Variants in MGRN1 observed in about 807,000 individuals in gnomAD.
The protein encoded by MGRN1 is E3 ubiquitin-protein ligase MGRN1.
In MGRN1, 29 loss-of-function variants were observed where a neutral mutation model predicts 69.2. The ratio of observed to expected loss-of-function variants is 0.42; its 90% CI spans 0.31 to 0.57. The LOEUF is 0.57. Ranked by LOEUF, MGRN1 falls within the 20% of genes least tolerant of loss-of-function variation. The probability of loss-of-function intolerance (pLI) is 0.15; values close to 1 mark genes in which losing one functional copy is unlikely to be tolerated. For synonymous variants in MGRN1, 470 were observed against 344.2 expected (o/e 1.37, Z -4.04); for missense variants, 998 against 796.2 (o/e 1.25, Z -3.05).
chr16:4,659,932 C>T (rs531131624), intron 5 of MGRN1, among the ~76,000 whole-genome samples: 10 of 152,324 alleles, frequency 6.6e-5, no homozygotes, highest in East Asian at 1.9e-4. Flanking sequence ...CGGCTGGGTC[C>T]GGAGATGCTT....
intron 16 of MGRN1, among the ~76,000 whole-genome samples, chr16:4,685,469 G>T (rs2079290723): frequency 6.6e-6 from 1 of 152,228 alleles, no homozygotes; most frequent in Admixed American, 6.5e-5. Flanking sequence ...GTCATCTGTG[G>T]AGGCGGTAGA....
chr16:4,682,369 G>A (rs982521314), intron 13 of MGRN1, among the ~76,000 whole-genome samples: 2 of 152,222 alleles, frequency 1.3e-5, no homozygotes, highest in African/African-American at 2.4e-5. Context: ...TGTATAGAGC[G>A]GCGGCTGCCA....
At chr16:4,644,969 TTTC>T (rs1390265592) in intron 1 of MGRN1, among the ~76,000 whole-genome samples, 3 of 152,214 alleles carry the variant, frequency 2.0e-5, no homozygotes, top group African/African-American at 7.2e-5. Flanking sequence ...AAAAATAATT[TTTC>T]TTGTTTTACA....
chr16:4,645,156 G>T (rs959682259), intron 1 of MGRN1, among the ~76,000 whole-genome samples: 1 of 141,444 alleles, frequency 7.1e-6, no homozygotes, highest in African/African-American at 2.6e-5. Context: ...GGGGGTGGGG[G>T]TGGTGGTGGG....
intron 9 of MGRN1, 66 bp from the exon 10 acceptor site, chr16:4,673,432 A>C: frequency 1.3e-6 from 2 of 1,569,280 alleles, no homozygotes; most frequent in African/African-American, 1.3e-5. Flanking sequence ...ACAGCTGGGG[A>C]CAGGAAGCAG....
chr16:4,625,126 G>A, intron 1 of MGRN1, 78 bp downstream of exon 1: 2 of 1,320,290 alleles, frequency 1.5e-6, no homozygotes, highest in Non-Finnish European at 1.0e-6. Context: ...GCGGGGACTC[G>A]GGGCGGGGCG....
chr16:4,680,355 C>T (rs574513784), intron 12 of MGRN1: 10 of 473,892 alleles, frequency 2.1e-5, no homozygotes, highest in Admixed American at 3.9e-5. Context: ...GCCCCCGTGC[C>T]GTTTCCCTTT....
At chr16:4,634,824 G>A (rs1898196480) in intron 1 of MGRN1, 1 of 152,272 alleles carries the variant, frequency 6.6e-6, no homozygotes, top group South Asian at 2.1e-4. Context: ...AGCTCGCGGG[G>A]GACTTGGGTC....
intron 1 of MGRN1, among the ~76,000 whole-genome samples, chr16:4,636,285 T>C (rs1475086687): frequency 1.3e-5 from 2 of 151,242 alleles, no homozygotes; most frequent in East Asian, 2.0e-4. Flanking sequence ...CCTCCCTGGG[T>C]GACTTCTGCT....
intron 5 of MGRN1, among the ~76,000 whole-genome samples, chr16:4,663,876 G>A (rs566107244): frequency 6.6e-6 from 1 of 152,216 alleles, no homozygotes; most frequent in Non-Finnish European, 1.5e-5. Flanking sequence ...TGCACAGCAG[G>A]GGGTGGGATG....
At chr16:4,664,138 C>G (rs76610502) in intron 5 of MGRN1, 2,367 of 159,032 alleles carry the variant, frequency 0.015, 32 homozygotes, top group Non-Finnish European at 0.023. Flanking sequence ...CGGTGTCCGT[C>G]GCAAAGGAAC....
intron 16 of MGRN1, chr16:4,686,661 C>G: frequency 4.5e-6 from 5 of 1,106,544 alleles, no homozygotes; most frequent in Non-Finnish European, 5.5e-6. Flanking sequence ...GAGGCAGGAG[C>G]TTGAGGGATG....
chr16:4,673,571 TC>T lies in MGRN1; in HGVS notation c.871del (p.Leu291CysfsTer207), dbSNP rs1567224334. The T allele has an allele frequency of 6.2e-7, 1 of 1,613,828 alleles. No homozygotes were observed. The highest frequency in any genetic ancestry group is 2.2e-5 in the East Asian group (1 of 44,882). On this transcript the variant is annotated frameshift_variant, in exon 10 of 17. Coordinates refer to ENST00000262370, the MANE Select transcript of MGRN1 (RefSeq NM_015246.4). LOFTEE classifies it high-confidence loss of function. ...CTGTCCGACCTGCGGGACACGCTGA[TC>T]CTGCCCTGCCGCCACCTGTGCCTCT... ...VCLSDLRDTL[I>X]LPCRHLCLCT...
At chr16:4,687,087 CG>C (rs2079340268) in intron 16 of MGRN1, 1 of 985,358 alleles carries the variant, frequency 1.0e-6, no homozygotes, top group Non-Finnish European at 1.2e-6. Context: ...CACAGTCCCT[CG>C]TGGGCTGCCT....
At chr16:4,645,778 T>A (rs973342353) in intron 1 of MGRN1, among the ~76,000 whole-genome samples, 1 of 152,128 alleles carries the variant, frequency 6.6e-6, no homozygotes, top group African/African-American at 2.4e-5. Flanking sequence ...CCTCGGAGGC[T>A]ACTGGGACCT....
At position 4,688,901 on chromosome 16, in the gene MGRN1, C is replaced by T. The variant is rs895888981; in HGVS notation, c.1724C>T (p.Pro575Leu). Residue 575 changes from proline (P) to leucine (L), a missense_variant, in exon 17 of 17, where the codon CCA (proline) becomes CTA (leucine). Pro to Leu is a moderately conservative substitution (Grantham distance 98). Coordinates refer to ENST00000262370, the MANE Select transcript of MGRN1 (RefSeq NM_015246.4). ...GATCCCAGCGCCGCCGAGCTGACCCCACTCTGAGAGCCTGGCCGAGCTGGC... is the reference window on the plus strand; with the variant it reads ...GATCCCAGCGCCGCCGAGCTGACCCTACTCTGAGAGCCTGGCCGAGCTGGC... ...SPDPSAAELT[P>L]L The T allele has an allele frequency of 3.2e-6, 5 of 1,544,366 alleles. No homozygotes were observed. The highest frequency in any genetic ancestry group is 4.4e-6 in the Non-Finnish European group (5 of 1,141,824).
intron 13 of MGRN1, 76 bp downstream of exon 13, chr16:4,681,852 A>G: frequency 1.4e-6 from 2 of 1,420,342 alleles, no homozygotes; most frequent in Non-Finnish European, 1.9e-6. Context: ...TTGTGGTTTC[A>G]AATCAGTTTG....
At chr16:4,671,999 G>A (rs545314693) in intron 9 of MGRN1, among the ~76,000 whole-genome samples, 6 of 152,160 alleles carry the variant, frequency 3.9e-5, no homozygotes, top group African/African-American at 4.8e-5. Flanking sequence ...TCCGCCTCCC[G>A]GGTTCAAGCG....
chr16:4,688,772 T>C, intron 16 of MGRN1, 24 bp from the exon 17 acceptor site: 1 of 1,525,392 alleles, frequency 6.6e-7, no homozygotes, highest in Non-Finnish European at 8.9e-7. Context: ...AGTGTGACCC[T>C]CCTCCCTCTG....
Sources: gnomAD v4.1 joint callset for allele counts (sites outside exome capture counted in the v4.1 genomes callset) on GRCh38, gnomAD v4.1.1 for gene constraint, MANE v1.5 for transcripts, NCBI Gene and HGNC (gene_info 2026-07-23, HGNC 2026-07-21) for gene names.